MYO3B: variants seen among roughly 807,000 people sequenced by gnomAD.
The protein encoded by MYO3B is myosin IIIB.
A neutral mutation model predicts 174.6 loss-of-function variants in MYO3B; 156 were observed. The observed-to-expected ratio is 0.89, with a 90% CI of 0.78 to 1.02. MYO3B has a LOEUF of 1.02. Among genes scored for constraint, MYO3B ranks in the 50% least tolerant of loss-of-function variants. The pLI, the probability that MYO3B is intolerant of heterozygous loss-of-function variation, is 0.00. For missense variants in MYO3B, 1,632 were observed against 1,639.4 expected (o/e 1.00, Z 0.08); for synonymous variants, 563 against 569.1 (o/e 0.99, Z 0.15).
At chr2:170,236,311 TG>T (rs1302860693) in intron 7 of MYO3B, among the ~76,000 whole-genome samples, 175 bp downstream of exon 7, 2 of 152,176 alleles carry the variant, frequency 1.3e-5, no homozygotes, top group Non-Finnish European at 2.9e-5. Flanking sequence ...AGGATGTTCC[TG>T]AAAGATAACA....
intron 6 of MYO3B, among the ~76,000 whole-genome samples, chr2:170,235,045 A>T (rs777972242): frequency 2.6e-5 from 4 of 152,216 alleles, no homozygotes; most frequent in Non-Finnish European, 5.9e-5. Flanking sequence ...AACTAAAGAC[A>T]TTATGATGGC....
intron 23 of MYO3B, among the ~76,000 whole-genome samples, chr2:170,457,294 T>A (rs181108723): frequency 1.3e-5 from 2 of 152,366 alleles, no homozygotes; most frequent in Non-Finnish European, 1.5e-5. Context: ...TAGTTTACTT[T>A]AACTTTTTTT....
At chr2:170,300,354 T>C (rs2093658000) in intron 7 of MYO3B, among the ~76,000 whole-genome samples, 1 of 152,228 alleles carries the variant, frequency 6.6e-6, no homozygotes, top group African/African-American at 2.4e-5. Flanking sequence ...AGAGGACTGA[T>C]ATGGAGGAAG....
rs2094347374 is a variant in MYO3B, at chr2:170,383,065, C to T, written c.1069-8C>T. On this transcript the variant is annotated splice_polypyrimidine_tract_variant and splice_region_variant and intron_variant, in intron 10 of 34. Coordinates refer to ENST00000408978, the MANE Select transcript of MYO3B (RefSeq NM_138995.5). The stretch of plus-strand genomic sequence containing the variant: ...TATTTACCTCAATACCATTTATCCT[C>T]TTCTTAGGATACAATTATCCATCAG... 1 of 1,540,060 alleles carries T rather than the reference C, an allele frequency of 6.5e-7. No homozygotes were observed. The highest frequency in any genetic ancestry group is 9.0e-7 in the Non-Finnish European group (1 of 1,113,134).
rs568971972 is a variant in MYO3B, at chr2:170,635,111, G to A, written c.3734-16517G>A. Among the ~76,000 whole-genome samples the A allele has an allele frequency of 2.6e-5, 4 of 152,144 alleles. No individual in the cohort carries two copies. In the South Asian group the frequency reaches 8.3e-4, roughly 32 times the overall value. On this transcript the variant is annotated intron_variant, in intron 32 of 34. Coordinates refer to ENST00000408978, the MANE Select transcript of MYO3B (RefSeq NM_138995.5). ...ATTTGACCCAGGGATCCCATTACTGGGTATATACCAAAAGGATTATAAATC... is the reference window on the plus strand; with the variant it reads ...ATTTGACCCAGGGATCCCATTACTGAGTATATACCAAAAGGATTATAAATC...
intron 6 of MYO3B, among the ~76,000 whole-genome samples, chr2:170,234,874 T>A (rs149559147): frequency 1.3e-5 from 2 of 152,332 alleles, no homozygotes; most frequent in African/African-American, 4.8e-5. Context: ...TCACAATCTC[T>A]CATCTGGATC....
chr2:170,195,110 G>A (rs1225640809), intron 1 of MYO3B, among the ~76,000 whole-genome samples: 1 of 151,866 alleles, frequency 6.6e-6, no homozygotes, highest in African/African-American at 2.4e-5. Context: ...ATCTCCTTTT[G>A]CAACACCCTC....
intron 3 of MYO3B, among the ~76,000 whole-genome samples, chr2:170,207,680 C>CT (rs377407475): frequency 0.052 from 7,624 of 146,752 alleles, 484 homozygotes; most frequent in East Asian, 0.3. Flanking sequence ...AAAAAAAAGG[C>CT]TTTTTTTTTT....
intron 22 of MYO3B, among the ~76,000 whole-genome samples, chr2:170,433,339 G>A (rs1233512581): frequency 1.3e-5 from 2 of 152,198 alleles, no homozygotes; most frequent in Admixed American, 6.5e-5. Flanking sequence ...ATCTGGAATG[G>A]TATAAAATGG....
chr2:170,327,348 G>C (rs758738295), intron 7 of MYO3B, among the ~76,000 whole-genome samples: 1 of 152,224 alleles, frequency 6.6e-6, no homozygotes, highest in Non-Finnish European at 1.5e-5. Context: ...TCACGCCACT[G>C]CACTCCAGCC....
chr2:170,348,972 T>G (rs1351766814), intron 8 of MYO3B, among the ~76,000 whole-genome samples: 1 of 152,224 alleles, frequency 6.6e-6, no homozygotes, highest in Non-Finnish European at 1.5e-5. Flanking sequence ...ATACTCTCCC[T>G]GGATCTCATC....
intron 32 of MYO3B, among the ~76,000 whole-genome samples, chr2:170,577,030 T>A (rs983835120): frequency 2.0e-5 from 3 of 152,194 alleles, no homozygotes. Context: ...ACAGAGTAAT[T>A]TCTTTGCCTA....
intron 30 of MYO3B, among the ~76,000 whole-genome samples, chr2:170,533,635 G>A: frequency 6.6e-6 from 1 of 152,140 alleles, no homozygotes; most frequent in East Asian, 1.9e-4. Context: ...TTCTAGAAAG[G>A]CAGCCACACA....
chr2:170,344,395 G>C (rs2094000222), intron 8 of MYO3B: 1 of 150,174 alleles, frequency 6.7e-6, no homozygotes, highest in South Asian at 2.1e-4. Context: ...GAATCCAGGA[G>C]GCAGGGGTTG....
At chr2:170,550,391 G>A (rs1031352346) in intron 32 of MYO3B, among the ~76,000 whole-genome samples, 18 of 152,194 alleles carry the variant, frequency 1.2e-4, no homozygotes, top group African/African-American at 3.9e-4. Context: ...ACAGACTGCT[G>A]AACCCACTGC....
chr2:170,348,854 T>G (rs1322032833), intron 8 of MYO3B, among the ~76,000 whole-genome samples: 2 of 152,212 alleles, frequency 1.3e-5, no homozygotes, highest in African/African-American at 4.8e-5. Flanking sequence ...GGTAGTAGTT[T>G]TGTTATCTGG....
intron 29 of MYO3B, among the ~76,000 whole-genome samples, chr2:170,515,796 G>A (rs1005648659): frequency 1.3e-5 from 2 of 151,998 alleles, no homozygotes; most frequent in Non-Finnish European, 2.9e-5. Context: ...GAGTCTCTGG[G>A]TACCTCAGAC....
Position 170,329,555 on chromosome 2 carries a change from A to ATTT in MYO3B, c.750-5814_750-5812dup, listed in dbSNP as rs752223902. Among the ~76,000 whole-genome samples, 874 of 114,564 alleles carry ATTT rather than the reference A, an allele frequency of 7.6e-3. 21 individuals are homozygous for ATTT. Among genetic ancestry groups the ATTT allele is most frequent in the African/African-American group, 0.027 (830 of 31,088 alleles). 75.2% of individuals were successfully genotyped at this position (114,564 alleles called of 152,430 possible). ...GCCACCACACCTGGCTGATTTTTGT[A>ATTT]TTTTTTTTTTTTTTTTTTAGTATGG... On this transcript the variant is annotated intron_variant, in intron 7 of 34. Coordinates refer to ENST00000408978, the MANE Select transcript of MYO3B (RefSeq NM_138995.5).
intron 25 of MYO3B, among the ~76,000 whole-genome samples, chr2:170,467,263 G>C (rs1470367660): frequency 6.6e-6 from 1 of 152,192 alleles, no homozygotes; most frequent in Non-Finnish European, 1.5e-5. Flanking sequence ...AAGAAAGTAA[G>C]TGATTTTCCC....
Sources: allele counts gnomAD v4.1 joint callset (sites outside exome capture counted in the v4.1 genomes callset), GRCh38; gene constraint gnomAD v4.1.1; transcripts MANE v1.5; gene names NCBI Gene and HGNC (gene_info 2026-07-23, HGNC 2026-07-21).